Variants in THADA observed in about 807,000 individuals in gnomAD.
The protein encoded by THADA is tRNA (32-2'-O)-methyltransferase regulator THADA.
Under a neutral mutation model 219.8 loss-of-function variants are expected in THADA, and 213 were observed. The observed-to-expected ratio is 0.97, with a 90% CI of 0.87 to 1.09. The LOEUF is 1.09. Among genes scored for constraint, THADA ranks in the 50% least tolerant of loss-of-function variants. The probability of loss-of-function intolerance (pLI) is 0.00; values close to 1 mark genes in which losing one functional copy is unlikely to be tolerated. For synonymous variants in THADA, 1,018 were observed against 828.9 expected, an observed-to-expected ratio of 1.23 and a Z score of -3.92; for missense variants, 2,956 against 2,311.3, an observed-to-expected ratio of 1.28 and a Z score of -5.72.
chr2:43,575,128 G>A (rs1478338323), intron 10 of THADA, 101 bp from the exon 11 acceptor site: 5 of 870,714 alleles, frequency 5.7e-6, no homozygotes, highest in Non-Finnish European at 8.4e-6. Flanking sequence ...TACACAGAAT[G>A]ACCACAAATT....
intron 25 of THADA, among the ~76,000 whole-genome samples, chr2:43,497,833 T>G (rs190243134): frequency 6.6e-6 from 1 of 152,064 alleles, no homozygotes. Flanking sequence ...TGCAGTGAGC[T>G]GAGATCACAC....
intron 29 of THADA, among the ~76,000 whole-genome samples, chr2:43,385,995 C>A (rs1482533869): frequency 6.6e-6 from 1 of 151,992 alleles, no homozygotes; most frequent in Non-Finnish European, 1.5e-5. Flanking sequence ...AAAGGCATCC[C>A]AAATAGGAAA....
chr2:43,591,884 A>AT (rs1200744004), intron 3 of THADA, 68 bp downstream of exon 3: 51 of 1,111,056 alleles, frequency 4.6e-5, no homozygotes, highest in South Asian at 1.8e-4. Context: ...ACTGTCAGTG[A>AT]TTTTTTTTAA....
At chr2:43,278,393 C>A (rs1325335249) in intron 36 of THADA, among the ~76,000 whole-genome samples, 1 of 152,174 alleles carries the variant, frequency 6.6e-6, no homozygotes, top group Admixed American at 6.5e-5. Context: ...TCAAGCTGGG[C>A]TGGGTGCGGA....
chr2:43,389,632 C>A (rs1673108603), intron 29 of THADA, among the ~76,000 whole-genome samples: 1 of 152,216 alleles, frequency 6.6e-6, no homozygotes, highest in African/African-American at 2.4e-5. Context: ...ACCCACCCTG[C>A]CATTCACACA....
intron 21 of THADA, among the ~76,000 whole-genome samples, chr2:43,531,941 CA>C (rs1477174676): frequency 6.6e-6 from 1 of 150,896 alleles, no homozygotes; most frequent in African/African-American, 2.4e-5. Flanking sequence ...TATAAAAACC[CA>C]ATAGGCAAAC....
chr2:43,297,429 C>T lies in THADA; in HGVS notation c.4439-4216G>A, dbSNP rs1675585547. Among the ~76,000 whole-genome samples, 2 of 101,466 alleles carry T rather than the reference C, an allele frequency of 2.0e-5. 1 individual carries two copies. Among genetic ancestry groups the T allele is most frequent in the Non-Finnish European group, 3.7e-5 (2 of 53,998 alleles). The allele number at this position is 101,466 out of a possible 152,430, so 66.6% of individuals were successfully genotyped here. On this transcript the variant is annotated intron_variant, in intron 31 of 37. Transcript: ENST00000405975. ...GAGGAGCGTCTCCGCCCGGCAGCCA[C>T]CCCGTCCGGGAGGGAGGTGGGGGGG... is the stretch of plus-strand genomic sequence containing the variant.
intron 29 of THADA, among the ~76,000 whole-genome samples, chr2:43,353,188 CA>C (rs1303604293): frequency 6.6e-6 from 1 of 152,196 alleles, no homozygotes; most frequent in African/African-American, 2.4e-5. Context: ...TCTGGATACA[CA>C]CCCAGAAGCA....
intron 22 of THADA, among the ~76,000 whole-genome samples, chr2:43,513,694 A>G (rs1394309272): frequency 1.3e-5 from 2 of 152,186 alleles, no homozygotes; most frequent in East Asian, 3.8e-4. Context: ...CTAGAAAGAG[A>G]TCAGTAAACA....
At chr2:43,488,933 T>C (rs973892117) in intron 25 of THADA, among the ~76,000 whole-genome samples, 15 of 152,238 alleles carry the variant, frequency 9.9e-5, no homozygotes, top group African/African-American at 3.6e-4. Context: ...TTAAGTATCC[T>C]TTTGTGTGCT....
chr2:43,343,980 A>G, intron 30 of THADA, 142 bp downstream of exon 30: 1 of 583,114 alleles, frequency 1.7e-6, no homozygotes, highest in Non-Finnish European at 3.0e-6. Context: ...CCACAACCCA[A>G]AGTTCTAAAA....
At chr2:43,448,554 TC>T (rs2104886018) in intron 26 of THADA, among the ~76,000 whole-genome samples, 1 of 122,824 alleles carries the variant, frequency 8.1e-6, no homozygotes, top group East Asian at 2.5e-4. Flanking sequence ...TCACTTTTCT[TC>T]CTTTCTTTTT....
chr2:43,350,979 T>A (rs1668189173), intron 29 of THADA, among the ~76,000 whole-genome samples: 1 of 152,168 alleles, frequency 6.6e-6, no homozygotes, highest in African/African-American at 2.4e-5. Context: ...CTTTAAGGAC[T>A]ACAGTGTACA....
chr2:43,364,482 T>G (rs1669900053), intron 29 of THADA, among the ~76,000 whole-genome samples: 1 of 152,196 alleles, frequency 6.6e-6, no homozygotes, highest in Non-Finnish European at 1.5e-5. Flanking sequence ...CATCTTATGC[T>G]GACAGCACAC....
intron 7 of THADA, among the ~76,000 whole-genome samples, chr2:43,583,097 A>AT (rs901519399): frequency 6.6e-6 from 1 of 152,032 alleles, no homozygotes; most frequent in Admixed American, 6.6e-5. Flanking sequence ...TAATTCCCAA[A>AT]TTTTTATCTC....
intron 26 of THADA, among the ~76,000 whole-genome samples, chr2:43,434,743 C>T (rs1336557626): frequency 6.6e-6 from 1 of 152,212 alleles, no homozygotes; most frequent in African/African-American, 2.4e-5. Context: ...AAACCCTGGA[C>T]TAATTCTCCA....
chr2:43,373,780 G>A (rs1670150114), intron 29 of THADA, among the ~76,000 whole-genome samples: 2 of 152,072 alleles, frequency 1.3e-5, no homozygotes, highest in African/African-American at 4.8e-5. Context: ...GCCTGCCCAA[G>A]TCTAATAAGT....
At chr2:43,354,899 G>A (rs2104570497) in intron 29 of THADA, among the ~76,000 whole-genome samples, 1 of 152,046 alleles carries the variant, frequency 6.6e-6, no homozygotes, top group Middle Eastern at 3.4e-3. Flanking sequence ...GTTCTCACGA[G>A]ACCTGATGGT....
At chr2:43,493,095 G>C (rs1472955590) in intron 25 of THADA, among the ~76,000 whole-genome samples, 1 of 152,152 alleles carries the variant, frequency 6.6e-6, no homozygotes, top group East Asian at 1.9e-4. Flanking sequence ...CCATGGCATG[G>C]CAGCACTACT....
Sources: allele counts gnomAD v4.1 joint callset (sites outside exome capture counted in the v4.1 genomes callset), GRCh38; gene constraint gnomAD v4.1.1; transcripts MANE v1.5; gene names NCBI Gene and HGNC (gene_info 2026-07-23, HGNC 2026-07-21).